MYO9B: variants seen among roughly 807,000 people sequenced by gnomAD.
MYO9B encodes the protein unconventional myosin-IXb.
Under a neutral mutation model 229.5 loss-of-function variants are expected in MYO9B, and 71 were observed. That is an observed-to-expected ratio of 0.31 (90% CI 0.26 to 0.38). The LOEUF is 0.38. MYO9B is among the 10% of genes least tolerant of loss of function. MYO9B has a pLI of 1.00. For synonymous variants in MYO9B, 1,185 were observed against 1,235.8 expected (o/e 0.96, Z 0.86); for missense variants, 2,255 against 2,920.5 (o/e 0.77, Z 5.25).
intron 24 of MYO9B, among the ~76,000 whole-genome samples, chr19:17,199,973 G>A (rs2073089560): frequency 6.6e-6 from 1 of 151,884 alleles, no homozygotes; most frequent in Non-Finnish European, 1.5e-5. Flanking sequence ...CTGGGTTCAA[G>A]CAATTCTCCT....
At chr19:17,207,092 T>C (rs1377218028) in intron 34 of MYO9B, 21 bp from the exon 35 acceptor site, 1 of 1,610,324 alleles carries the variant, frequency 6.2e-7, no homozygotes, top group Non-Finnish European at 8.5e-7. Context: ...AGCCATCCTC[T>C]AACTGCCAGT....
At chr19:17,094,136 A>G (rs930089685) in intron 1 of MYO9B, among the ~76,000 whole-genome samples, 4 of 152,028 alleles carry the variant, frequency 2.6e-5, no homozygotes, top group Non-Finnish European at 4.4e-5. Context: ...CCCGAGTTCA[A>G]GGGATTCTCC....
intron 13 of MYO9B, among the ~76,000 whole-genome samples, chr19:17,174,446 C>T (rs1488425149): frequency 6.6e-6 from 1 of 151,948 alleles, no homozygotes; most frequent in Non-Finnish European, 1.5e-5. Flanking sequence ...AGCAGCCTGA[C>T]CAACATGGTG....
chr19:17,079,411 G>A (rs1186288128), intron 1 of MYO9B, among the ~76,000 whole-genome samples: 6 of 152,124 alleles, frequency 3.9e-5, no homozygotes, highest in Admixed American at 3.9e-4. Context: ...TCTTTTCTTT[G>A]TCTTGTGACT....
At chr19:17,166,005 A>G (rs2072655110) in intron 10 of MYO9B, among the ~76,000 whole-genome samples, 1 of 152,118 alleles carries the variant, frequency 6.6e-6, no homozygotes, top group Non-Finnish European at 1.5e-5. Context: ...CTGGCCCATT[A>G]CAGAGAAAGT....
At chr19:17,099,690 C>T (rs1230710963) in intron 1 of MYO9B, among the ~76,000 whole-genome samples, 6 of 150,794 alleles carry the variant, frequency 4.0e-5, no homozygotes, top group African/African-American at 7.3e-5. Flanking sequence ...CGGTGGCGGG[C>T]GCCTGTTGTC....
intron 2 of MYO9B, among the ~76,000 whole-genome samples, chr19:17,115,909 TCATAAACATC>T (rs2057898702): frequency 6.6e-6 from 1 of 151,752 alleles, no homozygotes; most frequent in Non-Finnish European, 1.5e-5. Context: ...ACATACGTAT[TCATAAACATC>T]CATTTCCCCA....
chr19:17,082,079 A>G (rs1004768310), intron 1 of MYO9B, among the ~76,000 whole-genome samples: 2 of 152,196 alleles, frequency 1.3e-5, no homozygotes, highest in African/African-American at 4.8e-5. Context: ...TGATTGAACA[A>G]AAGAAGTTTC....
At chr19:17,119,956 G>A (rs2057946316) in intron 2 of MYO9B, among the ~76,000 whole-genome samples, 1 of 152,156 alleles carries the variant, frequency 6.6e-6, no homozygotes, top group Non-Finnish European at 1.5e-5. Flanking sequence ...CCAAGCTCGG[G>A]AGTTTGAGGT....
In MYO9B at chr19:17,210,813, T is replaced by A; in HGVS notation, c.5895T>A (p.Ile1965=). 1 of 1,598,034 alleles carries A rather than the reference T, an allele frequency of 6.3e-7. No individual in the cohort carries two copies. The highest frequency in any genetic ancestry group is 1.7e-5 in the Admixed American group (1 of 57,340). ...AGGDEDREKE[I]LIERIQSIKE... ...GCGATGAGGACCGGGAAAAGGAGAT[T>A]CTCATTGAACGGATCCAGTCCATCA... Residue 1965 remains isoleucine, a synonymous_variant, in exon 38 of 40, where the codon ATT becomes ATA. Coordinates refer to ENST00000682292, the MANE Select transcript of MYO9B (RefSeq NM_004145.4).
chr19:17,151,001 C>A (rs567605359), intron 3 of MYO9B, among the ~76,000 whole-genome samples: 3 of 100,058 alleles, frequency 3.0e-5, no homozygotes, highest in Non-Finnish European at 8.3e-5. Flanking sequence ...TTGGTAAGGC[C>A]GGGCGCAGTG....
chr19:17,205,369 GACACTCC>G (rs1440008150), intron 31 of MYO9B, 33 bp downstream of exon 31: 1 of 1,594,646 alleles, frequency 6.3e-7, no homozygotes, highest in Non-Finnish European at 8.6e-7. Context: ...TTTCTACAAT[GACACTCC>G]ACTCACGGCC....
At chr19:17,188,560 G>A (rs1368226625) in intron 19 of MYO9B, among the ~76,000 whole-genome samples, 2 of 152,094 alleles carry the variant, frequency 1.3e-5, no homozygotes, top group African/African-American at 4.8e-5. Context: ...TAGCCCCAGG[G>A]ACTAGAATGT....
At position 17,162,353 on chromosome 19, in the gene MYO9B, A is replaced by G. The variant is rs1159075614; in HGVS notation, c.1423A>G (p.Ile475Val). The G allele has an allele frequency of 1.9e-6, 3 of 1,570,790 alleles. No homozygotes were observed. Among genetic ancestry groups the G allele is most frequent in the Middle Eastern group, 1.7e-4 (1 of 6,026 alleles). ...LILPYSLSEA[I>V]TARDSMAKSL... ...GTCACCCCCTCTGTGTCCACAGGCC[A>G]TCACTGCCCGCGACTCCATGGCCAA... The change falls in exon 9 of 40, where the codon ATC becomes GTC. Residue 475 changes from isoleucine (I) to valine (V), a missense_variant. Transcript: ENST00000682292.
At chr19:17,207,487 G>A in intron 35 of MYO9B, 1 of 271,414 alleles carries the variant, frequency 3.7e-6, no homozygotes, top group Non-Finnish European at 6.8e-6. Flanking sequence ...TTGGAAATTT[G>A]TATTTAAATA....
Position 17,101,790 on chromosome 19 carries a change from C to T in MYO9B, c.73C>T (p.Leu25=). 1 of 1,601,802 alleles carries T rather than the reference C, an allele frequency of 6.2e-7. No individual in the cohort carries two copies. The highest frequency in any genetic ancestry group is 2.2e-5 in the East Asian group (1 of 44,502). ...CTACCACCTGCACATCTACCCCCAG[C>T]TGTCCACCACCGAGAGCCAGGCCTC... ...AAYHLHIYPQ[L]STTESQASCR... The change falls in exon 2 of 40, where the codon CTG becomes TTG. Residue 25 remains leucine, a synonymous_variant. Transcript: ENST00000682292. This position sits in a 1 kb window ranked among gnomAD's most constrained non-coding sequence, Gnocchi z 4.7.
At chr19:17,137,674 C>G (rs1270263432) in intron 2 of MYO9B, among the ~76,000 whole-genome samples, 1 of 152,202 alleles carries the variant, frequency 6.6e-6, no homozygotes, top group African/African-American at 2.4e-5. Flanking sequence ...GTCCGGGCTT[C>G]AAGCTCTGCC....
intron 2 of MYO9B, among the ~76,000 whole-genome samples, chr19:17,117,767 A>G (rs936220641): frequency 4.0e-5 from 6 of 151,890 alleles, no homozygotes; most frequent in East Asian, 3.9e-4. Flanking sequence ...GTGAAACCCC[A>G]TCTCTACTAA....
chr19:17,080,184 C>T (rs1200702638), intron 1 of MYO9B, among the ~76,000 whole-genome samples: 1 of 152,216 alleles, frequency 6.6e-6, no homozygotes, highest in Non-Finnish European at 1.5e-5. Context: ...CCCTGCTGCA[C>T]AGGGCTGTAT....
Sources: allele counts gnomAD v4.1 joint callset (sites outside exome capture counted in the v4.1 genomes callset), GRCh38; gene constraint gnomAD v4.1.1; non-coding constraint Gnocchi (gnomAD v3.1); transcripts MANE v1.5; gene names NCBI Gene and HGNC (gene_info 2026-07-23, HGNC 2026-07-21).